Variants in LINGO2 observed in about 807,000 individuals in gnomAD.
The protein encoded by LINGO2 is leucine rich repeat and Ig domain containing 2, also known as leucine-rich repeat and immunoglobulin-like domain-containing nogo receptor-interacting protein 2.
In LINGO2, 14 loss-of-function variants were observed where a neutral mutation model predicts 30.6. The observed-to-expected ratio is 0.46, with a 90% CI of 0.30 to 0.72. The LOEUF is 0.72. Among genes scored for constraint, LINGO2 ranks in the 30% least tolerant of loss-of-function variants. The probability of loss-of-function intolerance (pLI) is 0.07; values close to 1 mark genes in which losing one functional copy is unlikely to be tolerated. For missense variants in LINGO2, 729 were observed against 751.7 expected, an observed-to-expected ratio of 0.97 and a Z score of 0.35; for synonymous variants, 317 against 288.5, an observed-to-expected ratio of 1.10 and a Z score of -1.00.
chr9:28,337,805 T>A (rs1397675511), intron 3 of LINGO2, among the ~76,000 whole-genome samples: 2 of 152,086 alleles, frequency 1.3e-5, no homozygotes, highest in African/African-American at 2.4e-5. Context: ...TTTGGGAACA[T>A]CCACCTAGAT....
the LINGO2 span, among the ~76,000 whole-genome samples, chr9:29,211,497 C>T: frequency 6.6e-6 from 1 of 152,176 alleles, no homozygotes; most frequent in Non-Finnish European, 1.5e-5. Context: ...ACCTCAAACA[C>T]ACAAGCTTAA....
the LINGO2 span, among the ~76,000 whole-genome samples, chr9:29,128,418 C>T: frequency 2.6e-5 from 4 of 152,118 alleles, no homozygotes; most frequent in Non-Finnish European, 4.4e-5. Context: ...ACCCTGATAA[C>T]CTAAGGAGGA....
intron 5 of LINGO2, among the ~76,000 whole-genome samples, chr9:27,992,205 T>C (rs1030064773): frequency 1.1e-5 from 1 of 90,506 alleles, no homozygotes; most frequent in African/African-American, 6.1e-5. Flanking sequence ...CACTGACATA[T>C]ATAAACATTT....
chr9:28,512,474 C>G (rs1259246251), intron 1 of LINGO2, among the ~76,000 whole-genome samples: 2 of 151,174 alleles, frequency 1.3e-5, no homozygotes, highest in Non-Finnish European at 2.9e-5. Flanking sequence ...AGTGGCAGAG[C>G]AGCTTGCTAA....
intron 4 of LINGO2, among the ~76,000 whole-genome samples, chr9:28,210,630 A>G (rs1229090198): frequency 6.6e-6 from 1 of 151,592 alleles, no homozygotes; most frequent in African/African-American, 2.4e-5. Context: ...CAGAATTACA[A>G]TCTTCTGCAC....
the LINGO2 span, among the ~76,000 whole-genome samples, chr9:28,804,953 GAAA>G: frequency 1.1e-4 from 17 of 152,092 alleles, no homozygotes; most frequent in African/African-American, 3.9e-4. Context: ...AGCACCTAAG[GAAA>G]AGGTTAAGAT....
the LINGO2 span, among the ~76,000 whole-genome samples, chr9:28,861,659 G>A: frequency 2.0e-5 from 3 of 151,838 alleles, no homozygotes; most frequent in African/African-American, 4.8e-5. Flanking sequence ...AGCTCCTCAG[G>A]AGACTGAAGT....
chr9:29,085,231 T>C, the LINGO2 span, among the ~76,000 whole-genome samples: 1 of 131,340 alleles, frequency 7.6e-6, no homozygotes, highest in Non-Finnish European at 1.6e-5. Flanking sequence ...TTGTAGAAAG[T>C]CCCTATCTTA....
At chr9:28,901,426 G>A in the LINGO2 span, among the ~76,000 whole-genome samples, 1 of 152,062 alleles carries the variant, frequency 6.6e-6, no homozygotes, top group East Asian at 1.9e-4. Context: ...CTCTAATACT[G>A]TACTGTGGGT....
chr9:29,088,979 C>T, the LINGO2 span, among the ~76,000 whole-genome samples: 3,329 of 152,112 alleles, frequency 0.022, 117 homozygotes, highest in African/African-American at 0.075. Flanking sequence ...TCTACGTGTG[C>T]TAACCATCAC....
chr9:28,604,387 C>T (rs540399483), intron 1 of LINGO2, among the ~76,000 whole-genome samples: 2 of 152,092 alleles, frequency 1.3e-5, no homozygotes, highest in South Asian at 4.1e-4. Flanking sequence ...CATATGAGCC[C>T]TTGTTCAATT....
chr9:27,946,968 A>G (rs1823388755), downstream of LINGO2, among the ~76,000 whole-genome samples: 1 of 152,104 alleles, frequency 6.6e-6, no homozygotes, highest in Non-Finnish European at 1.5e-5. Flanking sequence ...TCAAAATTTC[A>G]AATTTTCAAA....
chr9:28,858,923 G>A, the LINGO2 span, among the ~76,000 whole-genome samples: 1 of 151,896 alleles, frequency 6.6e-6, no homozygotes, highest in South Asian at 2.1e-4. Context: ...CCCCTTGCGT[G>A]TTGCAAAGCC....
chr9:28,697,078 T>C, the LINGO2 span, among the ~76,000 whole-genome samples: 1 of 151,930 alleles, frequency 6.6e-6, no homozygotes, highest in Non-Finnish European at 1.5e-5. Context: ...GTCATATTCT[T>C]TGAAAATTTT....
intron 4 of LINGO2, among the ~76,000 whole-genome samples, chr9:28,066,838 G>A (rs187879006): frequency 1.1e-4 from 16 of 151,948 alleles, no homozygotes; most frequent in Non-Finnish European, 1.6e-4. Flanking sequence ...ATATTTCTCT[G>A]AGGTCATCAA....
intron 2 of LINGO2, among the ~76,000 whole-genome samples, chr9:28,437,040 C>A (rs2134990658): frequency 6.6e-6 from 1 of 152,282 alleles, no homozygotes; most frequent in East Asian, 1.9e-4. Context: ...ATCAACTTGA[C>A]TGCATTAAGG....
chr9:28,363,702 C>T (rs1181207720), intron 3 of LINGO2, among the ~76,000 whole-genome samples: 1 of 152,078 alleles, frequency 6.6e-6, no homozygotes, highest in Non-Finnish European at 1.5e-5. Context: ...AAAAAAAACC[C>T]TTTATTACAA....
At chr9:27,981,570 G>GAAAAAAAAAAAAA (rs147823149) in intron 5 of LINGO2, among the ~76,000 whole-genome samples, 1 of 101,486 alleles carries the variant, frequency 9.9e-6, no homozygotes, top group Non-Finnish European at 2.0e-5. Context: ...GAAAAAAAAA[G>GAAAAAAAAAAAAA]AAAAAAAAAA....
intron 4 of LINGO2, among the ~76,000 whole-genome samples, chr9:28,078,625 C>A (rs1291365321): frequency 2.7e-5 from 4 of 147,996 alleles, no homozygotes; most frequent in Non-Finnish European, 5.9e-5. Context: ...CTGAGGCGGG[C>A]GGATCACCTG....
Sources: gnomAD v4.1 joint callset for allele counts (sites outside exome capture counted in the v4.1 genomes callset) on GRCh38, gnomAD v4.1.1 for gene constraint, MANE v1.5 for transcripts, NCBI Gene and HGNC (gene_info 2026-07-23, HGNC 2026-07-21) for gene names.